Variants in HS2ST1 observed in about 807,000 individuals in gnomAD.
HS2ST1 encodes 2-O-sulfotransferase.
A neutral mutation model predicts 42.9 loss-of-function variants in HS2ST1; 18 were observed. The ratio of observed to expected loss-of-function variants is 0.42; its 90% CI spans 0.29 to 0.62. The LOEUF (loss-of-function observed/expected upper bound fraction) is 0.62, where lower values mean the gene tolerates loss of function less well. Among genes scored for constraint, HS2ST1 ranks in the 20% least tolerant of loss-of-function variants. HS2ST1 has a pLI of 0.21. For synonymous variants in HS2ST1, 146 were observed against 152.9 expected, an observed-to-expected ratio of 0.95 and a Z score of 0.33; for missense variants, 334 against 433.8, an observed-to-expected ratio of 0.77 and a Z score of 2.04.
chr1:87,003,993 ATTT>A (rs1557512029), intron 1 of HS2ST1, among the ~76,000 whole-genome samples: 1 of 152,166 alleles, frequency 6.6e-6, no homozygotes, highest in African/African-American at 2.4e-5. Flanking sequence ...AACTTGTTAC[ATTT>A]TTTAACAATA....
intron 1 of HS2ST1, among the ~76,000 whole-genome samples, chr1:86,926,456 TAGAAA>T (rs915922766): frequency 2.6e-5 from 4 of 152,220 alleles, no homozygotes; most frequent in African/African-American, 9.6e-5. Flanking sequence ...TGCTATAGCC[TAGAAA>T]CTCTCTCAGG....
intron 1 of HS2ST1, among the ~76,000 whole-genome samples, chr1:87,014,307 G>A (rs557075751): frequency 2.6e-5 from 4 of 152,272 alleles, no homozygotes; most frequent in East Asian, 1.9e-4. Flanking sequence ...ATTACTTGGC[G>A]GCAAACAAGA....
chr1:87,098,256 G>A (rs886106727), intron 5 of HS2ST1: 1 of 1,028,312 alleles, frequency 9.7e-7, no homozygotes, highest in East Asian at 9.7e-5. Flanking sequence ...ATCTTATTTT[G>A]TCCAAAGCTT....
chr1:86,962,799 A>G (rs4290035), intron 1 of HS2ST1, among the ~76,000 whole-genome samples: 115,573 of 152,116 alleles, frequency 0.76, 44,671 homozygotes, highest in East Asian at 0.97. Context: ...GTAGTTGTAG[A>G]TAAGTTTTTG....
At chr1:87,072,088 A>T (rs181047646) in intron 1 of HS2ST1, among the ~76,000 whole-genome samples, 63 of 152,290 alleles carry the variant, frequency 4.1e-4, no homozygotes, top group Admixed American at 3.7e-3. Flanking sequence ...CATTAAATAG[A>T]GAATACTAGA....
At chr1:87,090,859 A>G (rs1265295253) in intron 3 of HS2ST1, among the ~76,000 whole-genome samples, 1 of 151,972 alleles carries the variant, frequency 6.6e-6, no homozygotes, top group East Asian at 1.9e-4. Context: ...AGCTGCCTCA[A>G]GGACCTCTTA....
rs1428014878 is a variant in HS2ST1, at chr1:87,103,520, G to C, written c.775G>C (p.Asp259His). Residue 259 changes from aspartate (D) to histidine (H), a missense_variant, in exon 6 of 7, where the codon GAT (aspartate) becomes CAT (histidine). Transcript: ENST00000370550. Reference sequence around the variant, plus strand: ...GGTGGGAGTTACTGAAGAACTTGAAGATTTTATCATGTTATTGGAGGCAGC... The same window carrying C: ...GGTGGGAGTTACTGAAGAACTTGAACATTTTATCATGTTATTGGAGGCAGC... ...FLVGVTEELE[D>H]FIMLLEAALP... 2 of 1,612,530 alleles carry C rather than the reference G, an allele frequency of 1.2e-6. No individual in the cohort carries two copies. The highest frequency in any genetic ancestry group is 2.7e-5 in the African/African-American group (2 of 74,852).
intron 1 of HS2ST1, among the ~76,000 whole-genome samples, chr1:86,917,471 A>T (rs1660187755): frequency 6.6e-6 from 1 of 151,976 alleles, no homozygotes; most frequent in Non-Finnish European, 1.5e-5. Context: ...GTAAGCCAAG[A>T]TCACACCACT....
At chr1:87,046,415 C>T (rs1030839460) in intron 1 of HS2ST1, 2 of 863,412 alleles carry the variant, frequency 2.3e-6, no homozygotes, top group Non-Finnish European at 4.0e-6. Flanking sequence ...CCAACAGAAG[C>T]CAAAGCCAGA....
chr1:86,970,102 G>A (rs767476712), intron 1 of HS2ST1, among the ~76,000 whole-genome samples: 1 of 148,474 alleles, frequency 6.7e-6, no homozygotes, highest in Non-Finnish European at 1.5e-5. Context: ...TCCAGCCTGG[G>A]CAACAAGAGT....
intron 1 of HS2ST1, among the ~76,000 whole-genome samples, chr1:87,013,785 CAA>C (rs745893664): frequency 8.5e-5 from 13 of 152,130 alleles, no homozygotes; most frequent in Non-Finnish European, 1.6e-4. Flanking sequence ...TAACAGCACC[CAA>C]GTCACCTCTT....
chr1:87,002,350 T>C (rs1570476151), intron 1 of HS2ST1, among the ~76,000 whole-genome samples: 1 of 152,174 alleles, frequency 6.6e-6, no homozygotes, highest in South Asian at 2.1e-4. Context: ...CCCATCACTT[T>C]GGGAGGCCAA....
intron 1 of HS2ST1, among the ~76,000 whole-genome samples, chr1:86,986,894 A>T: frequency 6.6e-6 from 1 of 152,080 alleles, no homozygotes; most frequent in East Asian, 1.9e-4. Context: ...GTAATTTGTT[A>T]TGACAGTCAT....
chr1:87,097,826 T>A lies in HS2ST1; in HGVS notation c.589-12T>A, dbSNP rs376384692. On this transcript the variant is annotated splice_polypyrimidine_tract_variant and intron_variant, in intron 4 of 6. Coordinates refer to ENST00000370550, the MANE Select transcript of HS2ST1 (RefSeq NM_012262.4). ...TTTATGGCTTACCCGTGCTGCTTTG[T>A]CTTTGTTCTAGACCTTTGATGAATG... 1 of 1,613,784 alleles carries A rather than the reference T, an allele frequency of 6.2e-7. No homozygotes were observed. Among genetic ancestry groups the A allele is most frequent in the Non-Finnish European group, 8.5e-7 (1 of 1,179,888 alleles).
intron 1 of HS2ST1, among the ~76,000 whole-genome samples, chr1:86,971,314 A>G (rs1008374728): frequency 6.6e-6 from 1 of 151,372 alleles, no homozygotes. Flanking sequence ...AAAACAAAAC[A>G]AAAAAAAACC....
At chr1:87,023,466 A>AAG (rs386367572) in intron 1 of HS2ST1, among the ~76,000 whole-genome samples, 1 of 6,408 alleles carries the variant, frequency 1.6e-4, no homozygotes, top group Admixed American at 3.5e-3. Context: ...AAGATATGTT[A>AAG]AAAAAAAAAA....
intron 1 of HS2ST1, among the ~76,000 whole-genome samples, chr1:87,072,701 T>TA (rs1236179972): frequency 2.0e-5 from 3 of 152,216 alleles, no homozygotes; most frequent in Admixed American, 2.0e-4. Context: ...CAACAGCTCT[T>TA]ACCTAGTTCT....
chr1:86,974,068 C>T (rs892325311), intron 1 of HS2ST1, among the ~76,000 whole-genome samples: 1 of 152,068 alleles, frequency 6.6e-6, no homozygotes, highest in Non-Finnish European at 1.5e-5. Context: ...GTCATTGACC[C>T]TGGTTCCTGT....
chr1:87,090,073 A>G (rs1453688298), intron 3 of HS2ST1, among the ~76,000 whole-genome samples: 1 of 152,030 alleles, frequency 6.6e-6, no homozygotes. Flanking sequence ...CTCTCCTTGT[A>G]GTTTCCTATT....
Sources: gnomAD v4.1 joint callset for allele counts (sites outside exome capture counted in the v4.1 genomes callset) on GRCh38, gnomAD v4.1.1 for gene constraint, MANE v1.5 for transcripts, NCBI Gene and HGNC (gene_info 2026-07-23, HGNC 2026-07-21) for gene names.